CLUL1: variants seen among roughly 807,000 people sequenced by gnomAD.
CLUL1 encodes the protein clusterin-like protein 1.
CLUL1 carries 43 observed loss-of-function variants against 49.4 expected under a neutral mutation model. That is an observed-to-expected ratio of 0.87 (90% CI 0.68 to 1.12). The LOEUF (loss-of-function observed/expected upper bound fraction) is 1.12. CLUL1 is among the 50% of genes most tolerant of loss of function. CLUL1 has a pLI of 0.00. For synonymous variants in CLUL1, 192 were observed against 184.9 expected, an observed-to-expected ratio of 1.04 and a Z score of -0.31; for missense variants, 486 against 544.4, an observed-to-expected ratio of 0.89 and a Z score of 1.07.
chr18:629,186 A>G (rs1214269028), intron 6 of CLUL1, among the ~76,000 whole-genome samples: 2 of 152,180 alleles, frequency 1.3e-5, no homozygotes, highest in Non-Finnish European at 2.9e-5. Context: ...TTCAGAGTCC[A>G]GTGGACTTTT....
rs1368523126 is a variant in CLUL1 at position 633,011 on chromosome 18, G to T, written c.857-287G>T. ...ATCTCTACTAAAAGTACAAAGATTA[G>T]CTGGGCTTGGTGGCTCTCACCTGTA... On this transcript the variant is annotated intron_variant, in intron 6 of 9. Transcript: ENST00000692774. Among the ~76,000 whole-genome samples the T allele has an allele frequency of 2.0e-5, 3 of 152,246 alleles. No individual in the cohort carries two copies. In the South Asian group the frequency reaches 6.2e-4, roughly 32 times the overall value.
intron 9 of CLUL1, among the ~76,000 whole-genome samples, chr18:648,548 T>G (rs1198580326): frequency 2.6e-5 from 4 of 152,182 alleles, no homozygotes; most frequent in Non-Finnish European, 5.9e-5. Context: ...ATAGAATTAC[T>G]TGTTTAGAGG....
At chr18:629,754 C>A (rs1002812008) in intron 6 of CLUL1, among the ~76,000 whole-genome samples, 6 of 152,192 alleles carry the variant, frequency 3.9e-5, no homozygotes, top group Admixed American at 3.3e-4. Context: ...TCTTCTTTCT[C>A]CAGTATCCCT....
In CLUL1 at chr18:645,036, A is replaced by T. The variant is rs770885496; in HGVS notation, c.1336A>T (p.Asn446Tyr). The change falls in exon 9 of 10, where the codon AAC becomes TAC. Residue 446 changes from asparagine to tyrosine, a missense_variant. By Grantham distance (143) the Asn-to-Tyr change is moderately radical (BLOSUM62 -2). Coordinates refer to ENST00000692774, the MANE Select transcript of CLUL1 (RefSeq NM_001393344.1). ...TCTTGAAGAAAGTGCTGAGAGTTCTAACTTCATTGGCTACGTAGTGGCAAA... is the reference window on the plus strand; with the variant it reads ...TCTTGAAGAAAGTGCTGAGAGTTCTTACTTCATTGGCTACGTAGTGGCAAA... Reference protein sequence around the residue: ...IPLEESAESSNFIGYVVAKAL... With the variant: ...IPLEESAESSYFIGYVVAKAL... 6.2e-7 allele frequency: 1 copy of T among 1,612,802 alleles called. No homozygotes were observed. Among genetic ancestry groups the T allele is most frequent in the Admixed American group, 1.7e-5 (1 of 59,826 alleles).
In CLUL1 at chr18:624,855, T is replaced by C; in HGVS notation, c.256-10T>C. On this transcript the variant is annotated splice_polypyrimidine_tract_variant and intron_variant, in intron 4 of 9. Coordinates refer to ENST00000692774, the MANE Select transcript of CLUL1 (RefSeq NM_001393344.1). ...ATGGAAATTGGACTTTTGTTTCTAC[T>C]TTTAACTAGGAGGCCCTGAAACTTC... 1 of 1,612,736 alleles carries C rather than the reference T, an allele frequency of 6.2e-7. No homozygotes were observed. The highest frequency in any genetic ancestry group is 8.5e-7 in the Non-Finnish European group (1 of 1,179,476).
chr18:649,736 G>T, intron 9 of CLUL1, 162 bp from the exon 10 acceptor site: 1 of 561,554 alleles, frequency 1.8e-6, no homozygotes. Flanking sequence ...CCATGCATAT[G>T]GGTTTCACAT....
intron 2 of CLUL1, among the ~76,000 whole-genome samples, chr18:610,772 C>T (rs189490921): frequency 2.7e-3 from 418 of 152,252 alleles, no homozygotes; most frequent in African/African-American, 9.3e-3. Context: ...GGAGGTGGCT[C>T]ACGCCTGTAA....
intron 2 of CLUL1, among the ~76,000 whole-genome samples, chr18:615,562 C>T (rs983933554): frequency 6.6e-6 from 1 of 152,174 alleles, no homozygotes; most frequent in African/African-American, 2.4e-5. Context: ...AAAAGCTGGA[C>T]AATTTCCTAT....
At chr18:647,870 T>C (rs943047171) in intron 9 of CLUL1, among the ~76,000 whole-genome samples, 3 of 152,192 alleles carry the variant, frequency 2.0e-5, no homozygotes, top group Admixed American at 2.0e-4. Flanking sequence ...TGTGACTCTT[T>C]ATGAACGTTC....
chr18:604,807 G>A (rs2072925641), intron 1 of CLUL1, among the ~76,000 whole-genome samples: 1 of 152,190 alleles, frequency 6.6e-6, no homozygotes, highest in Admixed American at 6.5e-5. Context: ...GGTCCTGAAA[G>A]CAGGTTGCTG....
Position 640,150 on chromosome 18 carries a change from C to A in CLUL1, c.995-1177C>A, listed in dbSNP as rs368088829. On this transcript the variant is annotated intron_variant, in intron 7 of 9. Transcript: ENST00000692774. Reference sequence around the variant, plus strand: ...GCCAACAAAGGATCTCTTCCCTAGACCTTGAAGTGATCTTTGGGTGGACCC... The same window carrying A: ...GCCAACAAAGGATCTCTTCCCTAGAACTTGAAGTGATCTTTGGGTGGACCC... 7.1e-4 allele frequency among the ~76,000 whole-genome samples: 108 copies of A among 152,216 alleles called. 3 individuals are homozygous for A. The South Asian group carries it at 0.022, about 31-fold the overall frequency.
chr18:615,029 A>G (rs1316443894), intron 2 of CLUL1, among the ~76,000 whole-genome samples: 1 of 152,152 alleles, frequency 6.6e-6, no homozygotes, highest in Non-Finnish European at 1.5e-5. Context: ...TGATTCCTCT[A>G]TTTTCCAGTT....
chr18:642,032 T>C (rs1485959841), intron 8 of CLUL1, among the ~76,000 whole-genome samples: 1 of 152,226 alleles, frequency 6.6e-6, no homozygotes, highest in African/African-American at 2.4e-5. Context: ...AGATTTCTTA[T>C]ACAAAACAAG....
chr18:648,924 C>T (rs2074595503), intron 9 of CLUL1, among the ~76,000 whole-genome samples: 2 of 152,254 alleles, frequency 1.3e-5, no homozygotes, highest in East Asian at 1.9e-4. Flanking sequence ...TCCCCAAGGG[C>T]TGGTATTACA....
chr18:625,319 G>A (rs114646072), intron 5 of CLUL1, among the ~76,000 whole-genome samples: 2,248 of 152,092 alleles, frequency 0.015, 60 homozygotes, highest in African/African-American at 0.052. Flanking sequence ...TAAGCTCTTT[G>A]AGGGCAGGGA....
intron 8 of CLUL1, among the ~76,000 whole-genome samples, chr18:643,190 A>G (rs2074389220): frequency 6.6e-6 from 1 of 152,252 alleles, no homozygotes; most frequent in African/African-American, 2.4e-5. Context: ...CATAAGTCAT[A>G]TGCACATCAT....
At chr18:615,775 G>T (rs1392653962) in intron 2 of CLUL1, among the ~76,000 whole-genome samples, 2 of 152,218 alleles carry the variant, frequency 1.3e-5, no homozygotes, top group African/African-American at 2.4e-5. Flanking sequence ...TTCCAAGAGA[G>T]CTAAGAGTTT....
chr18:649,243 C>T (rs562169710), intron 9 of CLUL1, among the ~76,000 whole-genome samples: 46 of 152,232 alleles, frequency 3.0e-4, no homozygotes, highest in Non-Finnish European at 4.9e-4. Context: ...TTTTCAATCA[C>T]GTAAACATTT....
At chr18:611,101 C>T (rs551235072) in intron 2 of CLUL1, among the ~76,000 whole-genome samples, 2 of 152,182 alleles carry the variant, frequency 1.3e-5, no homozygotes, top group African/African-American at 4.8e-5. Flanking sequence ...CTCACACTTT[C>T]CTTTCCTACT....
Sources: allele counts gnomAD v4.1 joint callset (sites outside exome capture counted in the v4.1 genomes callset), GRCh38; gene constraint gnomAD v4.1.1; transcripts MANE v1.5; gene names NCBI Gene and HGNC (gene_info 2026-07-23, HGNC 2026-07-21).